The following SLC22A4 variants were observed in gnomAD, a reference collection of about 807,000 sequenced individuals.
SLC22A4 encodes ET transporter.
Under a neutral mutation model 56.6 loss-of-function variants are expected in SLC22A4, and 39 were observed. The ratio of observed to expected loss-of-function variants is 0.69; its 90% CI spans 0.53 to 0.90. SLC22A4 has a LOEUF of 0.90. Among genes scored for constraint, SLC22A4 ranks in the 40% least tolerant of loss-of-function variants. SLC22A4 has a pLI of 0.00. For synonymous variants in SLC22A4, 241 were observed against 281.4 expected, an observed-to-expected ratio of 0.86 and a Z score of 1.44; for missense variants, 594 against 696.5, an observed-to-expected ratio of 0.85 and a Z score of 1.66.
At chr5:132,326,853 G>C (rs1750705084) in intron 4 of SLC22A4, among the ~76,000 whole-genome samples, 1 of 152,226 alleles carries the variant, frequency 6.6e-6, no homozygotes, top group Admixed American at 6.5e-5. Context: ...CCAATAAACT[G>C]TGAACATCAC....
chr5:132,299,399 ATTTT>A (rs1749855123), intron 1 of SLC22A4, among the ~76,000 whole-genome samples: 1 of 17,916 alleles, frequency 5.6e-5, no homozygotes, highest in Non-Finnish European at 2.1e-4. Flanking sequence ...TTTTCGTTTT[ATTTT>A]ATTTTATTTT....
At chr5:132,307,172 CTTT>C (rs1213165943) in intron 1 of SLC22A4, among the ~76,000 whole-genome samples, 1 of 151,990 alleles carries the variant, frequency 6.6e-6, no homozygotes, top group Non-Finnish European at 1.5e-5. Context: ...TTTTGTTTTT[CTTT>C]GTTTTGTTTT....
At chr5:132,334,143 T>C (rs1023161899) in intron 6 of SLC22A4, among the ~76,000 whole-genome samples, 2 of 152,174 alleles carry the variant, frequency 1.3e-5, no homozygotes, top group African/African-American at 2.4e-5. Flanking sequence ...TTAACTATAA[T>C]GACAGAATAT....
intron 9 of SLC22A4, 89 bp downstream of exon 9, chr5:132,340,789 G>A: frequency 8.0e-7 from 1 of 1,255,644 alleles, no homozygotes; most frequent in Non-Finnish European, 1.2e-6. Flanking sequence ...AAATAGAAGA[G>A]TAATAAGTAG....
At chr5:132,297,662 T>A (rs419291) in intron 1 of SLC22A4, among the ~76,000 whole-genome samples, 1 of 151,406 alleles carries the variant, frequency 6.6e-6, no homozygotes, top group African/African-American at 2.4e-5. Context: ...TTAAAAATAG[T>A]TACTACAAAA....
chr5:132,315,458 G>A (rs577937408), intron 3 of SLC22A4, among the ~76,000 whole-genome samples: 4 of 152,292 alleles, frequency 2.6e-5, no homozygotes, highest in South Asian at 2.1e-4. Flanking sequence ...TAGTGGCACA[G>A]GGTGATTCTG....
intron 1 of SLC22A4, among the ~76,000 whole-genome samples, chr5:132,310,800 C>A (rs1199461737): frequency 1.3e-5 from 2 of 152,168 alleles, no homozygotes; most frequent in Non-Finnish European, 2.9e-5. Flanking sequence ...GTATTCAGAA[C>A]AACTGTGCTT....
chr5:132,297,249 C>T (rs1449685365), intron 1 of SLC22A4, among the ~76,000 whole-genome samples: 43 of 152,088 alleles, frequency 2.8e-4, no homozygotes, highest in Admixed American at 2.8e-3. Context: ...ACCTGGGAGG[C>T]GGAGGTTGCA....
At chr5:132,303,353 A>G (rs1749949889) in intron 1 of SLC22A4, among the ~76,000 whole-genome samples, 2 of 152,208 alleles carry the variant, frequency 1.3e-5, no homozygotes, top group African/African-American at 4.8e-5. Flanking sequence ...GCATATATTT[A>G]TTCAAGAAAG....
chr5:132,327,529 C>T (rs763695698), intron 5 of SLC22A4, 126 bp downstream of exon 5: 23 of 731,370 alleles, frequency 3.1e-5, no homozygotes, highest in Admixed American at 4.3e-5. Flanking sequence ...CTTAGGAACA[C>T]AATCATGATT....
intron 1 of SLC22A4, among the ~76,000 whole-genome samples, chr5:132,298,706 G>A (rs140394126): frequency 2.6e-5 from 4 of 152,342 alleles, no homozygotes; most frequent in East Asian, 1.9e-4. Context: ...TGCCCCATCC[G>A]GTGGTGGCCA....
chr5:132,320,037 A>G (rs1484127967), intron 3 of SLC22A4, among the ~76,000 whole-genome samples: 1 of 152,210 alleles, frequency 6.6e-6, no homozygotes, highest in African/African-American at 2.4e-5. Context: ...GTGACTGCCT[A>G]AAAGAGAGCA....
chr5:132,338,874 GGTCC>G (rs1482139424), intron 8 of SLC22A4, among the ~76,000 whole-genome samples: 2 of 152,126 alleles, frequency 1.3e-5, no homozygotes, highest in Non-Finnish European at 2.9e-5. Flanking sequence ...ATCATCACAG[GGTCC>G]TGAGGCGACA....
Position 132,341,592 on chromosome 5 carries a change from T to G in SLC22A4, c.1580+892T>G, listed in dbSNP as rs905746525. 3.3e-5 allele frequency among the ~76,000 whole-genome samples: 5 copies of G among 152,074 alleles called. No homozygotes were observed. The East Asian group carries it at 9.7e-4, about 29-fold the overall frequency. The stretch of plus-strand genomic sequence containing the variant: ...AGCAAAGTCAAGGGGGAATAGTTAT[T>G]CAGTAAAAGGTATTAGAACATTCAG... On this transcript the variant is annotated intron_variant, in intron 9 of 9. Coordinates refer to ENST00000200652, the MANE Select transcript of SLC22A4 (RefSeq NM_003059.3).
intron 1 of SLC22A4, among the ~76,000 whole-genome samples, chr5:132,305,122 A>G (rs527546948): frequency 4.6e-5 from 7 of 152,292 alleles, no homozygotes; most frequent in African/African-American, 1.7e-4. Context: ...GAGTAAAAGT[A>G]TACAATAATT....
At position 132,334,885 on chromosome 5, in the gene SLC22A4, T is replaced by C; in HGVS notation, c.1214T>C (p.Leu405Pro). 6.2e-7 allele frequency: 1 copy of C among 1,614,028 alleles called. No individual in the cohort carries two copies. The stretch of plus-strand genomic sequence containing the variant: ...AGGCGTTATATCATAGCTGCAGTAC[T>C]GTTCTGGGGAGGAGGTGTGCTTCTC... ...LPRRYIIAAVLFWGGGVLLFI... is the reference protein window; with the variant it reads ...LPRRYIIAAVPFWGGGVLLFI... Residue 405 changes from leucine (L) to proline (P), a missense_variant, in exon 7 of 10, where the codon CTG becomes CCG. Coordinates refer to ENST00000200652, the MANE Select transcript of SLC22A4 (RefSeq NM_003059.3).
intron 8 of SLC22A4, among the ~76,000 whole-genome samples, chr5:132,339,475 T>TACACACACACACAC (rs58759726): frequency 0.086 from 12,573 of 146,582 alleles, 659 homozygotes; most frequent in Admixed American, 0.15. Context: ...GGTACACACG[T>TACACACACACACAC]ACACACACAC....
rs1477438934 is a variant in SLC22A4 at position 132,294,738 on chromosome 5, T to A, written c.122T>A (p.Phe41Tyr). 1 of 1,613,888 alleles carries A rather than the reference T, an allele frequency of 6.2e-7. No individual in the cohort carries two copies. Among genetic ancestry groups the A allele is most frequent in the African/African-American group, 1.3e-5 (1 of 74,930 alleles). Residue 41 changes from phenylalanine to tyrosine, a missense_variant, in exon 1 of 10, where the codon TTC (phenylalanine) becomes TAC (tyrosine). Transcript: ENST00000200652. This position sits in a 1 kb window ranked among gnomAD's most constrained non-coding sequence, Gnocchi z 5.6. ...PNGFNGMSVV[F>Y]LAGTPEHRCR... ...GGCTTCAATGGTATGTCAGTCGTGT[T>A]CCTGGCGGGGACCCCGGAGCACCGC...
chr5:132,312,436 C>T (rs1012142954), intron 2 of SLC22A4, among the ~76,000 whole-genome samples, 172 bp downstream of exon 2: 3 of 152,148 alleles, frequency 2.0e-5, no homozygotes, highest in Admixed American at 6.5e-5. Context: ...GCCCTCAGTC[C>T]CCTTCACCTG....
Sources: allele counts gnomAD v4.1 joint callset (sites outside exome capture counted in the v4.1 genomes callset), GRCh38; gene constraint gnomAD v4.1.1; non-coding constraint Gnocchi (gnomAD v3.1); transcripts MANE v1.5; gene names NCBI Gene and HGNC (gene_info 2026-07-23, HGNC 2026-07-21).